The following TSPAN9 variants were observed in gnomAD, a reference collection of about 807,000 sequenced individuals.
TSPAN9 encodes the protein tetraspanin-9.
Under a neutral mutation model 31.0 loss-of-function variants are expected in TSPAN9, and 16 were observed. The observed-to-expected ratio is 0.52, with a 90% CI of 0.35 to 0.78. The LOEUF is 0.78. Ranked by LOEUF, TSPAN9 falls within the 30% of genes least tolerant of loss-of-function variation. The probability of loss-of-function intolerance (pLI) is 0.01; values close to 1 mark genes in which losing one functional copy is unlikely to be tolerated. For synonymous variants in TSPAN9, 145 were observed against 121.6 expected (o/e 1.19, Z -1.27); for missense variants, 272 against 312.5 (o/e 0.87, Z 0.98).
chr12:3,096,002 G>C (rs995685675), intron 2 of TSPAN9, among the ~76,000 whole-genome samples: 3 of 148,162 alleles, frequency 2.0e-5, no homozygotes, highest in African/African-American at 5.1e-5. Flanking sequence ...CCTTGCCCTC[G>C]GGCCCCGCGG....
At chr12:3,152,970 A>C (rs1356494382) in intron 2 of TSPAN9, among the ~76,000 whole-genome samples, 1 of 152,158 alleles carries the variant, frequency 6.6e-6, no homozygotes, top group South Asian at 2.1e-4. Flanking sequence ...AGAGGCGCAC[A>C]CACACCTGAC....
At chr12:3,165,777 C>T (rs765610170) in intron 2 of TSPAN9, among the ~76,000 whole-genome samples, 5 of 152,166 alleles carry the variant, frequency 3.3e-5, no homozygotes, top group African/African-American at 9.7e-5. Context: ...TTTATGATGG[C>T]GCCTAGTATT....
At chr12:3,140,999 G>T (rs1354700683) in intron 2 of TSPAN9, among the ~76,000 whole-genome samples, 3 of 151,770 alleles carry the variant, frequency 2.0e-5, no homozygotes, top group Admixed American at 1.3e-4. Flanking sequence ...GGGAAGTGTT[G>T]GGGTTCATAG....
intron 2 of TSPAN9, among the ~76,000 whole-genome samples, chr12:3,180,579 C>T (rs886651149): frequency 4.6e-5 from 7 of 152,174 alleles, no homozygotes; most frequent in African/African-American, 1.7e-4. Context: ...GGGGTTGCTA[C>T]AGATGAAAGC....
At chr12:3,122,034 G>A (rs588090) in intron 2 of TSPAN9, among the ~76,000 whole-genome samples, 96,374 of 151,486 alleles carry the variant, frequency 0.64, 30,808 homozygotes, top group East Asian at 0.74. Flanking sequence ...CTCGTTTTTT[G>A]TCTTAAAAAG....
chr12:3,283,061 T>C lies in TSPAN9; in HGVS notation c.665T>C (p.Phe222Ser). The change falls in exon 9 of 9, where the codon TTC becomes TCC. Residue 222 changes from phenylalanine to serine, a missense_variant. Transcript: ENST00000011898. ...ILIMQILGMA[F>S]SMTLFQHIHR... ...GTCTTTCAGATCCTGGGCATGGCCT[T>C]CTCCATGACCCTCTTCCAGCACATC... The C allele has an allele frequency of 6.2e-7, 1 of 1,609,156 alleles. No homozygotes were observed. Among genetic ancestry groups the C allele is most frequent in the South Asian group, 1.1e-5 (1 of 91,064 alleles).
At chr12:3,265,598 C>T (rs563135365) in intron 3 of TSPAN9, among the ~76,000 whole-genome samples, 3 of 152,322 alleles carry the variant, frequency 2.0e-5, no homozygotes, top group African/African-American at 7.2e-5. Flanking sequence ...TCGCCCTCGG[C>T]TGGACTGAGC....
Position 3,170,781 on chromosome 12 carries a change from G to A in TSPAN9, c.-17-30396G>A, listed in dbSNP as rs2098351334. ...CCTGCACAGCTGTGGCACCTGTGGG[G>A]CTGCTGGCTGAGGCTTCGAGGTCCA... On this transcript the variant is annotated intron_variant, in intron 2 of 8. Coordinates refer to ENST00000011898, the MANE Select transcript of TSPAN9 (RefSeq NM_006675.5). The surrounding 1 kb of genome is among the most constrained non-coding windows in gnomAD (Gnocchi z 4.4). 6.6e-6 allele frequency among the ~76,000 whole-genome samples: 1 copy of A among 152,182 alleles called. No homozygotes were observed. Among genetic ancestry groups the A allele is most frequent in the Non-Finnish European group, 1.5e-5 (1 of 68,036 alleles).
intron 2 of TSPAN9, among the ~76,000 whole-genome samples, chr12:3,127,804 A>T (rs371399195): frequency 2.0e-5 from 3 of 152,298 alleles, no homozygotes; most frequent in African/African-American, 4.8e-5. Flanking sequence ...ACATATTTTT[A>T]AAAAATTCAT....
chr12:3,264,047 C>T (rs1862499579), intron 3 of TSPAN9, among the ~76,000 whole-genome samples: 1 of 152,136 alleles, frequency 6.6e-6, no homozygotes, highest in African/African-American at 2.4e-5. Flanking sequence ...ATTGGGCAGG[C>T]AAGTGTCTCA....
rs113937981 is a variant in TSPAN9, at chr12:3,170,593, G to C, written c.-17-30584G>C. ...GAGATCACTGAGTCAGTTCTGTGTGGGGGGGTCGTGATGGGGGAGCAGATG... is the reference window on the plus strand; with the variant it reads ...GAGATCACTGAGTCAGTTCTGTGTGCGGGGGTCGTGATGGGGGAGCAGATG... On this transcript the variant is annotated intron_variant, in intron 2 of 8. Transcript: ENST00000011898. The surrounding 1 kb of genome is among the most constrained non-coding windows in gnomAD (Gnocchi z 4.4). Among the ~76,000 whole-genome samples the C allele has an allele frequency of 1.3e-5, 2 of 150,872 alleles. No homozygotes were observed. Among genetic ancestry groups the C allele is most frequent in the Admixed American group, 1.3e-4 (2 of 15,140 alleles).
intron 3 of TSPAN9, among the ~76,000 whole-genome samples, chr12:3,261,762 G>A (rs556102208): frequency 7.2e-5 from 11 of 152,306 alleles, no homozygotes; most frequent in African/African-American, 2.6e-4. Context: ...AGCCCTGAGG[G>A]GTACCTGCAC....
chr12:3,201,121 C>A, intron 2 of TSPAN9, 56 bp from the exon 3 acceptor site: 1 of 1,503,144 alleles, frequency 6.7e-7, no homozygotes, highest in Non-Finnish European at 9.3e-7. Flanking sequence ...GCAATGCACC[C>A]AAAGGCAGCA....
At chr12:3,248,107 G>T (rs561230525) in intron 3 of TSPAN9, among the ~76,000 whole-genome samples, 2 of 152,292 alleles carry the variant, frequency 1.3e-5, no homozygotes, top group South Asian at 4.1e-4. Flanking sequence ...GGAGCTAATG[G>T]CTCCCTGAAT....
At chr12:3,161,008 T>G (rs113451052) in intron 2 of TSPAN9, among the ~76,000 whole-genome samples, 4,332 of 152,158 alleles carry the variant, frequency 0.028, 213 homozygotes, top group African/African-American at 0.099. Context: ...ATCATCTGAG[T>G]TTGGCAGTTC....
At position 3,218,144 on chromosome 12, in the gene TSPAN9, C is replaced by T. The variant is rs547531676; in HGVS notation, c.63+16888C>T. The stretch of plus-strand genomic sequence containing the variant: ...GTGCATGCCTGCGTCCTGTGCTCAG[C>T]CCCCATTTTTTCTGTGGGCCCTGGT... On this transcript the variant is annotated intron_variant, in intron 3 of 8. Transcript: ENST00000011898. Among the ~76,000 whole-genome samples the T allele has an allele frequency of 4.6e-5, 7 of 152,168 alleles. No homozygotes were observed. In the East Asian group the frequency reaches 9.7e-4, roughly 21 times the overall value.
At position 3,283,397 on chromosome 12, in the gene TSPAN9, G is replaced by C. The variant is rs1453271164; in HGVS notation, c.*281G>C. 1 of 367,218 alleles carries C rather than the reference G, an allele frequency of 2.7e-6. No individual in the cohort carries two copies. The allele number at this position is 367,218 out of a possible 1,614,324, so 22.7% of individuals were successfully genotyped here. ...GGGTGGGCTGGGGTGCGCTCCGGAG[G>C]AACCCCCGGCACTGATGGGCTTCTG... On this transcript the variant is annotated 3_prime_UTR_variant, in exon 9 of 9. Transcript: ENST00000011898.
intron 2 of TSPAN9, among the ~76,000 whole-genome samples, chr12:3,174,794 G>A (rs538261509): frequency 0.023 from 3,427 of 149,310 alleles, 72 homozygotes; most frequent in Middle Eastern, 0.093. Flanking sequence ...GTGTTAGCCA[G>A]GATGGTCTCG....
At chr12:3,202,884 G>A (rs925181461) in intron 3 of TSPAN9, among the ~76,000 whole-genome samples, 5 of 152,176 alleles carry the variant, frequency 3.3e-5, no homozygotes, top group African/African-American at 1.2e-4. Flanking sequence ...CCACTGGAAT[G>A]TCTCTGGCTG....
Sources: gnomAD v4.1 joint callset for allele counts (sites outside exome capture counted in the v4.1 genomes callset) on GRCh38, gnomAD v4.1.1 for gene constraint, Gnocchi (gnomAD v3.1) non-coding constraint, MANE v1.5 for transcripts, NCBI Gene and HGNC (gene_info 2026-07-23, HGNC 2026-07-21) for gene names.